EFCAB8: variants seen among roughly 807,000 people sequenced by gnomAD.
The protein encoded by EFCAB8 is EF-hand calcium binding domain 8, also known as EF-hand calcium-binding domain-containing protein 8.
In EFCAB8, 100 loss-of-function variants were observed where a neutral mutation model predicts 116.3. The ratio of observed to expected loss-of-function variants is 0.86; its 90% confidence interval spans 0.73 to 1.02. EFCAB8 has a LOEUF of 1.02. Among genes scored for constraint, EFCAB8 ranks in the 50% least tolerant of loss-of-function variants. The probability of loss-of-function intolerance (pLI) is 0.00; values close to 1 mark genes in which losing one functional copy is unlikely to be tolerated. For synonymous variants in EFCAB8, 558 were observed against 567.9 expected, an observed-to-expected ratio of 0.98 and a Z score of 0.25; for missense variants, 1,320 against 1,416.9, an observed-to-expected ratio of 0.93 and a Z score of 1.10.
At chr20:32,940,373 T>A (rs1419467951) in intron 22 of EFCAB8, among the ~76,000 whole-genome samples, 1 of 149,526 alleles carries the variant, frequency 6.7e-6, no homozygotes, top group African/African-American at 2.5e-5. Flanking sequence ...AGGGATAACT[T>A]TATCTGTATT....
At chr20:32,875,502 G>GTTTTTTTTTTTGTTTTTTT (rs1984917501) in intron 3 of EFCAB8, among the ~76,000 whole-genome samples, 1 of 89,890 alleles carries the variant, frequency 1.1e-5, no homozygotes, top group Non-Finnish European at 2.6e-5. Context: ...AAACATGGTG[G>GTTTTTTTTTTTGTTTTTTT]TTTTTTTTTT....
intron 19 of EFCAB8, 80 bp downstream of exon 19, chr20:32,918,654 CT>C: frequency 7.2e-7 from 1 of 1,389,114 alleles, no homozygotes; most frequent in Non-Finnish European, 9.9e-7. Context: ...TGTGTGTTTT[CT>C]TATTGGGATG....
intron 18 of EFCAB8, among the ~76,000 whole-genome samples, chr20:32,918,000 G>A (rs1325029501): frequency 6.6e-6 from 1 of 152,234 alleles, no homozygotes; most frequent in East Asian, 1.9e-4. Flanking sequence ...CTACTGCAGG[G>A]GGGCTCTGGT....
Position 32,930,458 on chromosome 20 carries a change from A to G in EFCAB8, c.2473A>G (p.Met825Val). ...PHTAALLSSCMDGYIYAWSLH... is the reference protein window; with the variant it reads ...PHTAALLSSCVDGYIYAWSLH... ...CACGGCTGCCCTGCTGAGCAGCTGC[A>G]TGGACGGCTACATCTACGCCTGGTC... Residue 825 changes from methionine to valine, a missense_variant, in exon 21 of 27, where the codon ATG (methionine) becomes GTG (valine). Coordinates refer to ENST00000400522, the MANE Select transcript of EFCAB8 (RefSeq NM_001143967.2). 1 of 1,551,888 alleles carries G rather than the reference A, an allele frequency of 6.4e-7. No individual in the cohort carries two copies. Among genetic ancestry groups the G allele is most frequent in the Non-Finnish European group, 8.7e-7 (1 of 1,147,026 alleles).
chr20:32,935,592 C>T (rs181096086), intron 22 of EFCAB8, among the ~76,000 whole-genome samples: 11 of 152,074 alleles, frequency 7.2e-5, no homozygotes, highest in South Asian at 2.1e-4. Context: ...CCACAACCTC[C>T]GCCTCCCAGG....
rs1362469304 is a variant in EFCAB8 at position 32,918,473 on chromosome 20, G to C, written c.2173G>C (p.Glu725Gln). ...CAGGAAGCTCTCCAGTCTCAGCCCC[G>C]AGTCTGTGGCCAATACCAACCTGAG... ...TSRKLSSLSP[E>Q]SVANTNLRRS... Residue 725 changes from glutamate to glutamine, a missense_variant, in exon 19 of 27, where the codon GAG becomes CAG. Coordinates refer to ENST00000400522, the MANE Select transcript of EFCAB8 (RefSeq NM_001143967.2). The C allele has an allele frequency of 1.9e-6, 3 of 1,551,732 alleles. No individual in the cohort carries two copies. Among genetic ancestry groups the C allele is most frequent in the African/African-American group, 1.4e-5 (1 of 73,160 alleles).
chr20:32,915,333 A>G (rs1329699088), intron 17 of EFCAB8, among the ~76,000 whole-genome samples: 2 of 152,230 alleles, frequency 1.3e-5, no homozygotes, highest in Non-Finnish European at 1.5e-5. Flanking sequence ...CAAATATCCA[A>G]TTTCTTATCT....
At chr20:32,933,254 T>C (rs182972278) in intron 22 of EFCAB8, among the ~76,000 whole-genome samples, 1 of 152,206 alleles carries the variant, frequency 6.6e-6, no homozygotes, top group Non-Finnish European at 1.5e-5. Context: ...TTTATAATGA[T>C]ATATTTTAAA....
Position 32,930,418 on chromosome 20 carries a change from G to C in EFCAB8, c.2433G>C (p.Arg811Ser). 6.4e-7 allele frequency: 1 copy of C among 1,551,146 alleles called. No homozygotes were observed. The highest frequency in any genetic ancestry group is 8.7e-7 in the Non-Finnish European group (1 of 1,146,978). Residue 811 changes from arginine (R) to serine (S), a missense_variant, in exon 21 of 27, where the codon AGG (arginine) becomes AGC (serine). Coordinates refer to ENST00000400522, the MANE Select transcript of EFCAB8 (RefSeq NM_001143967.2). ...CTCAGATAATCTTCCTGCAGACCAG[G>C]CCTCGCCTGCCGCACACGGCTGCCC... ...SVEKIIFLQT[R>S]PRLPHTAALL...
Position 32,889,405 on chromosome 20 carries a change from A to G in EFCAB8, c.672A>G (p.Ile224Met). The G allele has an allele frequency of 6.4e-7, 1 of 1,551,760 alleles. No homozygotes were observed. Among genetic ancestry groups the G allele is most frequent in the Non-Finnish European group, 8.7e-7 (1 of 1,146,956 alleles). The change falls in exon 7 of 27, where the codon ATA becomes ATG. Residue 224 changes from isoleucine to methionine, a missense_variant and splice_region_variant. Transcript: ENST00000400522. ...CAGTTGCGTCTACCAGGCAAAAGAT[A>G]GGTGAGTCCCTGGGGGCTTCCCAGC... Reference protein sequence around the residue: ...LVAVASTRQKIDFFDISDHKC... With the variant: ...LVAVASTRQKMDFFDISDHKC...
chr20:32,885,760 G>C lies in EFCAB8; in HGVS notation c.567+120G>C, dbSNP rs1985592005. 6 of 1,262,872 alleles carry C rather than the reference G, an allele frequency of 4.8e-6. No homozygotes were observed. In the East Asian group the frequency reaches 1.3e-4, roughly 27 times the overall value. 78.2% of individuals were successfully genotyped at this position (1,262,872 alleles called of 1,614,324 possible). On this transcript the variant is annotated intron_variant, in intron 6 of 26. Coordinates refer to ENST00000400522, the MANE Select transcript of EFCAB8 (RefSeq NM_001143967.2). ...TTCATGGTCTAAGCAGCCTGGACTT[G>C]CAGTCACAGCACCTGGGTCCTGACT...
In EFCAB8 at chr20:32,885,550, G is replaced by A; in HGVS notation, c.477G>A (p.Arg159=). 1 of 1,551,782 alleles carries A rather than the reference G, an allele frequency of 6.4e-7. No individual in the cohort carries two copies. The highest frequency in any genetic ancestry group is 1.2e-5 in the South Asian group (1 of 84,062). ...TGAAGGTGGTGTTTTTAATCCACCG[G>A]TTCAAGAAGATCGGGTGTTTCCTGA... ...EVVKVVFLIH[R]FKKIGCFLTV... is the part of the protein sequence containing the mutation. Residue 159 remains arginine, a synonymous_variant, in exon 6 of 27, where the codon CGG becomes CGA. Transcript: ENST00000400522.
chr20:32,908,495 G>A, intron 14 of EFCAB8, 83 bp downstream of exon 14: 2 of 1,231,836 alleles, frequency 1.6e-6, no homozygotes, highest in Non-Finnish European at 2.1e-6. Context: ...CCCAAGGGGT[G>A]GCCACGTCCT....
chr20:32,878,958 C>A, intron 5 of EFCAB8, 151 bp downstream of exon 5: 3 of 662,852 alleles, frequency 4.5e-6, no homozygotes, highest in Non-Finnish European at 7.9e-6. Context: ...TGGCTCATTT[C>A]AACCTCACAG....
intron 23 of EFCAB8, among the ~76,000 whole-genome samples, chr20:32,947,840 AG>A (rs1417121554): frequency 6.6e-6 from 1 of 151,032 alleles, no homozygotes; most frequent in African/African-American, 2.4e-5. Flanking sequence ...GGCAGGTGGG[AG>A]GATCATTTGA....
intron 3 of EFCAB8, among the ~76,000 whole-genome samples, chr20:32,868,485 C>G (rs1984534080): frequency 6.6e-6 from 1 of 152,140 alleles, no homozygotes; most frequent in Non-Finnish European, 1.5e-5. Context: ...AGTCCAAATA[C>G]CCACATGTAA....
intron 23 of EFCAB8, among the ~76,000 whole-genome samples, chr20:32,948,576 G>GAAAGA: frequency 7.2e-6 from 1 of 138,478 alleles, no homozygotes; most frequent in Admixed American, 7.1e-5. Context: ...AAGAAAGAAA[G>GAAAGA]AAAGAAAAGA....
At chr20:32,863,952 A>G in intron 2 of EFCAB8, 118 bp downstream of exon 2, 1 of 1,141,584 alleles carries the variant, frequency 8.8e-7, no homozygotes, top group Non-Finnish European at 1.2e-6. Flanking sequence ...TTGCATACTC[A>G]GATATTTACT....
At position 32,959,964 on chromosome 20, in the gene EFCAB8, G is replaced by A. The variant is rs2146308529; in HGVS notation, c.3276G>A (p.Trp1092Ter). 3 of 1,551,680 alleles carry A rather than the reference G, an allele frequency of 1.9e-6. No individual in the cohort carries two copies. Among genetic ancestry groups the A allele is most frequent in the Middle Eastern group, 1.7e-4 (1 of 5,992 alleles). The change falls in exon 25 of 27, where the codon TGG becomes TGA. Residue 1092 changes from tryptophan to a stop codon, truncating the protein, a stop_gained. Transcript: ENST00000400522. LOFTEE classifies it high-confidence loss of function. ...LEDIEDSWNK[W>*]ESRDKQVSKV... Reference sequence around the variant, plus strand: ...ACATTGAGGACAGCTGGAACAAGTGGGAGTCCAGGGACAAGCAGGTGAGGC... The same window carrying A: ...ACATTGAGGACAGCTGGAACAAGTGAGAGTCCAGGGACAAGCAGGTGAGGC...
Sources: gnomAD v4.1 joint callset for allele counts (sites outside exome capture counted in the v4.1 genomes callset) on GRCh38, gnomAD v4.1.1 for gene constraint, MANE v1.5 for transcripts, NCBI Gene and HGNC (gene_info 2026-07-23, HGNC 2026-07-21) for gene names.